The following GRID2 variants were observed in gnomAD, a reference collection of about 807,000 sequenced individuals.
The protein encoded by GRID2 is glutamate receptor ionotropic, delta-2.
Under a neutral mutation model 114.8 loss-of-function variants are expected in GRID2, and 33 were observed. The ratio of observed to expected loss-of-function variants is 0.29; its 90% confidence interval spans 0.22 to 0.38. GRID2 has a LOEUF of 0.38. Ranked by LOEUF, GRID2 falls within the 10% of genes least tolerant of loss-of-function variation. The pLI is 1.00. For synonymous variants in GRID2, 505 were observed against 449.9 expected, an observed-to-expected ratio of 1.12 and a Z score of -1.55; for missense variants, 1,184 against 1,257.7, an observed-to-expected ratio of 0.94 and a Z score of 0.89.
chr4:93,108,788 G>A (rs1299866559), intron 3 of GRID2, among the ~76,000 whole-genome samples: 1 of 151,770 alleles, frequency 6.6e-6, no homozygotes, highest in African/African-American at 2.4e-5. Context: ...GTGCCACCAC[G>A]CCTGACTAAT....
At chr4:92,470,563 T>G (rs1056292890) in intron 1 of GRID2, among the ~76,000 whole-genome samples, 4 of 151,994 alleles carry the variant, frequency 2.6e-5, no homozygotes, top group African/African-American at 9.7e-5. Context: ...TTGTCAAAAT[T>G]TTTGTAAGCA....
chr4:92,633,350 A>G (rs1018324926), intron 2 of GRID2, among the ~76,000 whole-genome samples: 18 of 152,156 alleles, frequency 1.2e-4, no homozygotes, highest in Non-Finnish European at 2.2e-4. Context: ...GGAAAATTAG[A>G]CTGCCTCTAA....
At chr4:92,853,377 T>A (rs1279968106) in intron 2 of GRID2, among the ~76,000 whole-genome samples, 2 of 152,060 alleles carry the variant, frequency 1.3e-5, no homozygotes, top group Non-Finnish European at 2.9e-5. Context: ...ATGAGAGGTA[T>A]TTCCTTTGTA....
intron 8 of GRID2, among the ~76,000 whole-genome samples, chr4:93,370,175 C>A (rs1031271751): frequency 6.6e-6 from 1 of 151,992 alleles, no homozygotes; most frequent in Non-Finnish European, 1.5e-5. Context: ...TCCATACAAA[C>A]AGTAGATACA....
At chr4:93,104,829 G>T (rs1265864042) in intron 3 of GRID2, among the ~76,000 whole-genome samples, 1 of 152,080 alleles carries the variant, frequency 6.6e-6, no homozygotes, top group Non-Finnish European at 1.5e-5. Context: ...ACCCAGTAAT[G>T]GGATGGCTGG....
At chr4:93,701,131 A>G (rs1727473779) in intron 14 of GRID2, among the ~76,000 whole-genome samples, 1 of 152,190 alleles carries the variant, frequency 6.6e-6, no homozygotes, top group African/African-American at 2.4e-5. Context: ...AAAAATAAAA[A>G]GTAATTTGAT....
chr4:93,403,278 A>G (rs1766080117), intron 9 of GRID2, among the ~76,000 whole-genome samples: 2 of 152,172 alleles, frequency 1.3e-5, no homozygotes, highest in African/African-American at 4.8e-5. Context: ...TAATAATCCT[A>G]CAATGGAAAT....
intron 8 of GRID2, among the ~76,000 whole-genome samples, chr4:93,240,432 A>G (rs1051291149): frequency 4.0e-5 from 6 of 151,138 alleles, no homozygotes; most frequent in African/African-American, 1.5e-4. Flanking sequence ...TTCTGAGTTA[A>G]TTGCTCATTA....
intron 2 of GRID2, among the ~76,000 whole-genome samples, chr4:92,876,020 G>A (rs1001746605): frequency 6.6e-6 from 1 of 151,914 alleles, no homozygotes. Flanking sequence ...TAGCATTCAC[G>A]GTCATACAGT....
intron 2 of GRID2, among the ~76,000 whole-genome samples, chr4:92,997,596 G>T (rs898483900): frequency 1.3e-5 from 2 of 152,174 alleles, no homozygotes; most frequent in Non-Finnish European, 2.9e-5. Flanking sequence ...GATATGGATT[G>T]TGTCTCTGCT....
chr4:92,411,625 A>ATGTGTGTGTCTGTG (rs757758738), intron 1 of GRID2, among the ~76,000 whole-genome samples: 2 of 105,682 alleles, frequency 1.9e-5, no homozygotes, highest in African/African-American at 8.3e-5. Flanking sequence ...ATATATATGC[A>ATGTGTGTGTCTGTG]TGTGTGTGTG....
intron 1 of GRID2, among the ~76,000 whole-genome samples, chr4:92,460,055 C>CATATATATAT (rs1343434703): frequency 2.3e-3 from 85 of 37,310 alleles, no homozygotes; most frequent in African/African-American, 6.8e-3. Context: ...TATATATATA[C>CATATATATAT]ACACACAACT....
chr4:92,652,522 A>G (rs1412407025), intron 2 of GRID2, among the ~76,000 whole-genome samples: 4 of 151,754 alleles, frequency 2.6e-5, no homozygotes, highest in African/African-American at 4.8e-5. Flanking sequence ...TACAAAAAAA[A>G]AAATTAAAAG....
chr4:93,508,370 G>C (rs1560695031), intron 12 of GRID2, among the ~76,000 whole-genome samples: 1 of 151,662 alleles, frequency 6.6e-6, no homozygotes, highest in Non-Finnish European at 1.5e-5. Flanking sequence ...CTAAGTTTTT[G>C]TATTTTAGTA....
At chr4:93,178,201 ACT>A (rs1231263394) in intron 4 of GRID2, among the ~76,000 whole-genome samples, 2 of 151,024 alleles carry the variant, frequency 1.3e-5, no homozygotes, top group African/African-American at 4.9e-5. Context: ...CCTCTTTGTC[ACT>A]CTCTATTCAC....
chr4:93,454,350 C>T (rs887965839), intron 10 of GRID2, among the ~76,000 whole-genome samples: 17 of 151,956 alleles, frequency 1.1e-4, no homozygotes, highest in African/African-American at 3.9e-4. Context: ...GCACAGCCTT[C>T]GGAATAAGTA....
chr4:93,176,019 G>A (rs759817557), intron 4 of GRID2, among the ~76,000 whole-genome samples: 13 of 152,138 alleles, frequency 8.5e-5, no homozygotes, highest in Admixed American at 2.0e-4. Flanking sequence ...CTGCAAAGTA[G>A]GAGCTAATAG....
chr4:93,693,581 T>C (rs533585653), intron 14 of GRID2, among the ~76,000 whole-genome samples: 13 of 152,344 alleles, frequency 8.5e-5, no homozygotes, highest in African/African-American at 2.9e-4. Context: ...GCATTCTTAA[T>C]GTTACTGTTC....
intron 13 of GRID2, among the ~76,000 whole-genome samples, chr4:93,536,671 G>A (rs370227934): frequency 7.3e-4 from 106 of 144,912 alleles, no homozygotes; most frequent in African/African-American, 2.3e-3. Flanking sequence ...TTTAACACTT[G>A]TTGATTTAGA....
Sources: allele counts gnomAD v4.1 joint callset (sites outside exome capture counted in the v4.1 genomes callset), GRCh38; gene constraint gnomAD v4.1.1; transcripts MANE v1.5; gene names NCBI Gene and HGNC (gene_info 2026-07-23, HGNC 2026-07-21).